The following BRD1 variants were observed in gnomAD, a reference collection of about 807,000 sequenced individuals.
BRD1 encodes bromodomain containing 1.
A neutral mutation model predicts 107.7 loss-of-function variants in BRD1; 24 were observed. That is an observed-to-expected ratio of 0.22 (90% CI 0.16 to 0.31). The LOEUF (loss-of-function observed/expected upper bound fraction) is 0.31. BRD1 is among the 10% of genes least tolerant of loss of function. The pLI is 1.00. For synonymous variants in BRD1, 744 were observed against 686.1 expected (o/e 1.08, Z -1.32); for missense variants, 1,279 against 1,638.6 (o/e 0.78, Z 3.79).
intron 7 of BRD1, among the ~76,000 whole-genome samples, chr22:49,793,129 C>T (rs944896044): frequency 3.9e-5 from 6 of 152,224 alleles, no homozygotes; most frequent in African/African-American, 1.4e-4. Flanking sequence ...CTGTCTGCTT[C>T]GTGTAACCGG....
chr22:49,781,005 GT>G (rs534170199), intron 8 of BRD1, among the ~76,000 whole-genome samples: 12 of 151,840 alleles, frequency 7.9e-5, no homozygotes, highest in East Asian at 1.9e-4. Flanking sequence ...TCAGCACGAG[GT>G]TTTTTTTTAA....
chr22:49,776,251 C>T (rs967790351), intron 10 of BRD1, 92 bp from the exon 11 acceptor site: 46 of 1,131,788 alleles, frequency 4.1e-5, no homozygotes, highest in Non-Finnish European at 5.4e-5. Context: ...AGGGTGGGTC[C>T]CCCGAGCACA....
At chr22:49,820,179 AT>A (rs1569138184) in intron 2 of BRD1, among the ~76,000 whole-genome samples, 1 of 152,166 alleles carries the variant, frequency 6.6e-6, no homozygotes, top group Non-Finnish European at 1.5e-5. Flanking sequence ...TGAAATTTTA[AT>A]TTTTTAAACC....
chr22:49,805,620 G>A (rs2059728039), intron 2 of BRD1: 2 of 153,784 alleles, frequency 1.3e-5, no homozygotes, highest in Admixed American at 6.5e-5. Context: ...AGGCTGGGCT[G>A]GGCTGGACCT....
At chr22:49,827,372 C>A in intron 1 of BRD1, 125 bp downstream of exon 1, 1 of 154,266 alleles carries the variant, frequency 6.5e-6, no homozygotes, top group South Asian at 1.8e-4. Flanking sequence ...CCGCCGCCGC[C>A]GCCGCCGCCG....
intron 9 of BRD1, 139 bp downstream of exon 9, chr22:49,777,539 G>A: frequency 8.5e-7 from 1 of 1,174,772 alleles, no homozygotes; most frequent in African/African-American, 1.5e-5. Flanking sequence ...CACAAGGGCA[G>A]AGCACACATG....
chr22:49,794,025 G>A lies in BRD1; in HGVS notation c.2359+9C>T, dbSNP rs752750888. On this transcript the variant is annotated intron_variant, in intron 7 of 12. Transcript: ENST00000404760. ...GCAAGAAAGCGGGGCAGCCCTCACC[G>A]TGGCTTACCTTCCTCGCCCGCCTCC... 40 of 1,607,794 alleles carry A rather than the reference G, an allele frequency of 2.5e-5. No homozygotes were observed. The highest frequency in any genetic ancestry group is 1.7e-4 in the Middle Eastern group (1 of 5,852).
intron 2 of BRD1, among the ~76,000 whole-genome samples, chr22:49,820,024 G>A (rs978934488): frequency 6.6e-6 from 1 of 151,822 alleles, no homozygotes; most frequent in Non-Finnish European, 1.5e-5. Context: ...TAGCTACTCA[G>A]GAGGCTGAGG....
rs139797586 is a variant in BRD1 at position 49,785,276 on chromosome 22, C to T, written c.2857+2114G>A. ...TGGGGCCACCTGGTGGAAACCACCA[C>T]GTGAGCATCCTGCTGAGTGTCGACG... On this transcript the variant is annotated intron_variant, in intron 8 of 12. Coordinates refer to ENST00000404760, the MANE Select transcript of BRD1 (RefSeq NM_001304808.3). Among the ~76,000 whole-genome samples, 1,199 of 152,380 alleles carry T rather than the reference C, an allele frequency of 7.9e-3. 15 individuals carry two copies. The highest frequency in any genetic ancestry group is 0.026 in the South Asian group (125 of 4,832).
Position 49,823,268 on chromosome 22 carries a change from G to A in BRD1, c.1050C>T (p.Phe350=). 6.2e-7 allele frequency: 1 copy of A among 1,614,206 alleles called. No homozygotes were observed. Among genetic ancestry groups the A allele is most frequent in the South Asian group, 1.1e-5 (1 of 91,084 alleles). The change falls in exon 2 of 13, where the codon TTC becomes TTT. Residue 350 remains phenylalanine, a synonymous_variant. Coordinates refer to ENST00000404760, the MANE Select transcript of BRD1 (RefSeq NM_001304808.3). ...QCHKANCYTA[F]HVTCAQKAGL... Reference sequence around the variant, plus strand: ...CAGCCTTCTGGGCACACGTCACATGGAATGCTGTGTAGCAGTTTGCTTTGT... The same window carrying A: ...CAGCCTTCTGGGCACACGTCACATGAAATGCTGTGTAGCAGTTTGCTTTGT...
chr22:49,775,967 C>A, intron 11 of BRD1, 83 bp downstream of exon 11: 1 of 1,149,998 alleles, frequency 8.7e-7, no homozygotes, highest in Non-Finnish European at 1.2e-6. Flanking sequence ...TGGACCACCG[C>A]CGTGAGCCTC....
Position 49,823,901 on chromosome 22 carries a change from G to C in BRD1, c.417C>G (p.Tyr139Ter). 1 of 1,614,202 alleles carries C rather than the reference G, an allele frequency of 6.2e-7. No individual in the cohort carries two copies. The highest frequency in any genetic ancestry group is 8.5e-7 in the Non-Finnish European group (1 of 1,180,042). ...PPSAPRRPPVYYKFIEKSAEE... is the reference protein window; with the variant it reads ...PPSAPRRPPV The stretch of plus-strand genomic sequence containing the variant: ...CGGCCGACTTCTCGATGAACTTGTA[G>C]TACACAGGAGGCCTCCTGGGGGCGG... Residue 139 changes from tyrosine (Y) to a stop codon, truncating the protein, a stop_gained, in exon 2 of 13, where the codon TAC becomes TAG. Coordinates refer to ENST00000404760, the MANE Select transcript of BRD1 (RefSeq NM_001304808.3). LOFTEE classifies it high-confidence loss of function.
chr22:49,822,934 T>A lies in BRD1; in HGVS notation c.1367+17A>T. Reference sequence around the variant, plus strand: ...CACTGCAGGCTCCTTGTGGACTCAATGCTTGGACACGCTTACCTCTGCGGG... The same window carrying A: ...CACTGCAGGCTCCTTGTGGACTCAAAGCTTGGACACGCTTACCTCTGCGGG... On this transcript the variant is annotated intron_variant, in intron 2 of 12. Transcript: ENST00000404760. 6.2e-7 allele frequency: 1 copy of A among 1,610,782 alleles called. No homozygotes were observed. Among genetic ancestry groups the A allele is most frequent in the Non-Finnish European group, 8.5e-7 (1 of 1,177,834 alleles).
intron 3 of BRD1, among the ~76,000 whole-genome samples, chr22:49,802,060 C>T (rs1449516709): frequency 1.3e-5 from 2 of 152,250 alleles, no homozygotes; most frequent in Non-Finnish European, 2.9e-5. Flanking sequence ...TGTCCAGCCC[C>T]GAGATAAGAC....
rs778100296 is a variant in BRD1 at position 49,798,703 on chromosome 22, G to A, written c.1657-17C>T. ...CACCTTCACCTGGGGGGGCCCAGCA[G>A]AGCCTCAGCTTTAGGGAGCCGCACA... On this transcript the variant is annotated splice_polypyrimidine_tract_variant and intron_variant, in intron 4 of 12. Coordinates refer to ENST00000404760, the MANE Select transcript of BRD1 (RefSeq NM_001304808.3). 1 of 1,582,452 alleles carries A rather than the reference G, an allele frequency of 6.3e-7. No homozygotes were observed. The highest frequency in any genetic ancestry group is 8.6e-7 in the Non-Finnish European group (1 of 1,166,380).
chr22:49,812,839 C>T (rs527669352), intron 2 of BRD1, among the ~76,000 whole-genome samples: 4 of 152,092 alleles, frequency 2.6e-5, no homozygotes, highest in South Asian at 2.1e-4. Flanking sequence ...GGACCTCACA[C>T]GCCAGGACCG....
At chr22:49,796,822 CGGACCCCACGATGGCGGGAACGT>C (rs138848) in intron 6 of BRD1, among the ~76,000 whole-genome samples, 5,167 of 152,256 alleles carry the variant, frequency 0.034, 120 homozygotes, top group Middle Eastern at 0.061. Flanking sequence ...TGGCGGGAAG[CGGACCCCACGATGGCGGGAACGT>C]GGACCCCGCG....
chr22:49,785,919 CAG>C (rs2059314217), intron 8 of BRD1, among the ~76,000 whole-genome samples: 1 of 152,156 alleles, frequency 6.6e-6, no homozygotes, highest in South Asian at 2.1e-4. Flanking sequence ...CGCTTCAGGC[CAG>C]AGACCAGCAG....
In BRD1 at chr22:49,794,175, G is replaced by A. The variant is rs945216800; in HGVS notation, c.2218C>T (p.Arg740Trp). 21 of 1,614,084 alleles carry A rather than the reference G, an allele frequency of 1.3e-5. No homozygotes were observed. The highest frequency in any genetic ancestry group is 5.0e-5 in the Admixed American group (3 of 60,012). Residue 740 changes from arginine (R) to tryptophan (W), a missense_variant, in exon 7 of 13, where the codon CGG (arginine) becomes TGG (tryptophan). By Grantham distance (101) the Arg-to-Trp change is moderately radical. Coordinates refer to ENST00000404760, the MANE Select transcript of BRD1 (RefSeq NM_001304808.3). The stretch of plus-strand genomic sequence containing the variant: ...ATTTCCTTTTTGAGCAGCTTTGCCC[G>A]CTTGCTCCGGGAGCCGCTGGACTTC... ...AMKSSGSRSK[R>W]AKLLKKEIAL...
Sources: allele counts gnomAD v4.1 joint callset (sites outside exome capture counted in the v4.1 genomes callset), GRCh38; gene constraint gnomAD v4.1.1; transcripts MANE v1.5; gene names NCBI Gene and HGNC (gene_info 2026-07-23, HGNC 2026-07-21).